ZNF763: variants seen among roughly 807,000 people sequenced by gnomAD.
ZNF763 encodes DNA-binding protein.
A neutral mutation model predicts 38.0 loss-of-function variants in ZNF763; 33 were observed. The ratio of observed to expected loss-of-function variants is 0.87; its 90% CI spans 0.66 to 1.16. The LOEUF (loss-of-function observed/expected upper bound fraction) is 1.16, where lower values mean the gene tolerates loss of function less well. ZNF763 is among the 50% of genes most tolerant of loss of function. ZNF763 has a pLI of 0.00. For synonymous variants in ZNF763, 155 were observed against 160.1 expected (o/e 0.97, Z 0.24); for missense variants, 423 against 469.1 (o/e 0.90, Z 0.91).
chr19:11,968,853 A>T (rs1451627955), intron 1 of ZNF763, among the ~76,000 whole-genome samples: 1 of 152,128 alleles, frequency 6.6e-6, no homozygotes, highest in African/African-American at 2.4e-5. Flanking sequence ...ACCCCATCTC[A>T]ATTGTGAAAA....
At chr19:11,975,816 G>A (rs1053323167) in intron 1 of ZNF763, among the ~76,000 whole-genome samples, 1 of 152,070 alleles carries the variant, frequency 6.6e-6, no homozygotes, top group African/African-American at 2.4e-5. Context: ...CAGGAAGGTT[G>A]TATAGTGGTT....
intron 1 of ZNF763, among the ~76,000 whole-genome samples, chr19:11,976,096 A>C (rs1297446209): frequency 6.8e-6 from 1 of 146,026 alleles, no homozygotes; most frequent in African/African-American, 2.6e-5. Context: ...GGGGTGTGGG[A>C]TGTCCCAGGG....
intron 1 of ZNF763, among the ~76,000 whole-genome samples, chr19:11,971,789 C>A (rs139694002): frequency 6.6e-6 from 1 of 152,072 alleles, no homozygotes; most frequent in Admixed American, 6.6e-5. Context: ...TGTGGCCGGG[C>A]GCGGTGGCTC....
At position 11,980,125 on chromosome 19, in the gene ZNF763, G is replaced by C. The variant is rs1943207864; in HGVS notation, c.*1016G>C. The C allele has an allele frequency of 1.2e-6, 1 of 839,228 alleles. No individual in the cohort carries two copies. Among genetic ancestry groups the C allele is most frequent in the Non-Finnish European group, 1.9e-6 (1 of 532,528 alleles). 52.0% of individuals were successfully genotyped at this position (839,228 alleles called of 1,614,324 possible). A position where few individuals can be genotyped will look rare whatever the true frequency, so the allele number is the denominator to read the frequency against. The stretch of plus-strand genomic sequence containing the variant: ...CCTCACACCTTCGAAAACATGGTAG[G>C]ACTCACACTGGATAGAAACCAAAGC... On this transcript the variant is annotated 3_prime_UTR_variant, in exon 4 of 4. Coordinates refer to ENST00000358987, the MANE Select transcript of ZNF763 (RefSeq NM_001367172.2).
At chr19:11,966,444 G>T (rs543247540) in intron 1 of ZNF763, among the ~76,000 whole-genome samples, 1 of 152,238 alleles carries the variant, frequency 6.6e-6, no homozygotes, top group Non-Finnish European at 1.5e-5. Context: ...CTGGATCTCG[G>T]CTCACAGCAG....
intron 1 of ZNF763, among the ~76,000 whole-genome samples, chr19:11,970,214 C>T (rs914224491): frequency 6.6e-6 from 1 of 152,210 alleles, no homozygotes; most frequent in Non-Finnish European, 1.5e-5. Flanking sequence ...TTCCTGTCCT[C>T]TGGATTGTCT....
At position 11,974,725 on chromosome 19, in the gene ZNF763, C is replaced by T. The variant is rs893529635; in HGVS notation, c.4-2313C>T. 2.0e-5 allele frequency among the ~76,000 whole-genome samples: 3 copies of T among 152,018 alleles called. No individual in the cohort carries two copies. The East Asian group carries it at 5.8e-4, about 30-fold the overall frequency. ...TCAAACAATTCTCCCACCTCAGCCT[C>T]CCAGGTAACTGGGACTACAGGCACA... On this transcript the variant is annotated intron_variant, in intron 1 of 3. Transcript: ENST00000358987.
intron 1 of ZNF763, among the ~76,000 whole-genome samples, chr19:11,974,253 A>G (rs1364079890): frequency 1.4e-5 from 2 of 142,340 alleles, no homozygotes; most frequent in Admixed American, 1.5e-4. Context: ...CTGGAGTGCA[A>G]TGGCATGATC....
At chr19:11,972,693 A>G (rs1320573817) in intron 1 of ZNF763, among the ~76,000 whole-genome samples, 2 of 152,108 alleles carry the variant, frequency 1.3e-5, no homozygotes, top group South Asian at 2.1e-4. Flanking sequence ...TTCTTATTTC[A>G]TTGATTTTAT....
At chr19:11,975,420 C>A (rs948965227) in intron 1 of ZNF763, among the ~76,000 whole-genome samples, 4 of 144,494 alleles carry the variant, frequency 2.8e-5, no homozygotes, top group African/African-American at 1.0e-4. Flanking sequence ...TTTTTTGAGA[C>A]AGAGTCTTGC....
chr19:11,974,131 TTTCTTTCTTTCTTTCTTTCTTTCTTTCC>T, intron 1 of ZNF763, among the ~76,000 whole-genome samples: 1 of 95,366 alleles, frequency 1.0e-5, no homozygotes, highest in African/African-American at 5.2e-5. Flanking sequence ...CTTTCTTTTC[TTTCTTTCTTTCTTTCTTTCTTTCTTTCC>T]TTCCTTCCTT....
At chr19:11,976,068 C>T (rs1029517227) in intron 1 of ZNF763, among the ~76,000 whole-genome samples, 12 of 145,398 alleles carry the variant, frequency 8.3e-5, no homozygotes, top group Admixed American at 5.6e-4. Flanking sequence ...TCTAGCATGC[C>T]GGATTTGGGT....
intron 1 of ZNF763, among the ~76,000 whole-genome samples, chr19:11,966,816 A>C (rs1036292248): frequency 6.6e-6 from 1 of 152,242 alleles, no homozygotes; most frequent in African/African-American, 2.4e-5. Flanking sequence ...CGAAAGGTTC[A>C]GATTTCAGCT....
rs1973561960 is a variant in ZNF763, at chr19:11,979,022, A to G, written c.1098A>G (p.Lys366=). ...ATGAAAGGACCCACTCTGCGAAAAA[A>G]CCTTATGAATGTAAGCAGTGTGGGA... is the stretch of plus-strand genomic sequence containing the variant. ...RRHERTHSAK[K]PYECKQCGKA... Residue 366 remains lysine, a synonymous_variant, in exon 4 of 4, where the codon AAA becomes AAG. Coordinates refer to ENST00000358987, the MANE Select transcript of ZNF763 (RefSeq NM_001367172.2). 5 of 1,613,816 alleles carry G rather than the reference A, an allele frequency of 3.1e-6. No individual in the cohort carries two copies. The highest frequency in any genetic ancestry group is 1.7e-5 in the Admixed American group (1 of 59,982).
Position 11,965,215 on chromosome 19 carries a change from C to T in ZNF763, c.3+4C>T. The T allele has an allele frequency of 1.2e-6, 2 of 1,614,012 alleles. No homozygotes were observed. The highest frequency in any genetic ancestry group is 1.7e-6 in the Non-Finnish European group (2 of 1,179,922). ...GACATCTGAAAGCCAGGAAATGGTG[C>T]GTGTGCATAGCCGGTTGTCCCGAGA... On this transcript the variant is annotated splice_donor_region_variant and intron_variant, in intron 1 of 3. Coordinates refer to ENST00000358987, the MANE Select transcript of ZNF763 (RefSeq NM_001367172.2).
chr19:11,972,109 C>T (rs1158575638), intron 1 of ZNF763, among the ~76,000 whole-genome samples: 3 of 150,466 alleles, frequency 2.0e-5, no homozygotes, highest in Non-Finnish European at 4.4e-5. Flanking sequence ...GCCTGGGTAA[C>T]GTGGCAAACT....
At chr19:11,975,891 T>C (rs947495760) in intron 1 of ZNF763, among the ~76,000 whole-genome samples, 2 of 151,842 alleles carry the variant, frequency 1.3e-5, no homozygotes, top group African/African-American at 4.8e-5. Flanking sequence ...TTGTTTGCCC[T>C]CTTGTGTACT....
chr19:11,977,303 A>T (rs1973515808), intron 2 of ZNF763, 68 bp from the exon 3 acceptor site: 1 of 1,606,338 alleles, frequency 6.2e-7, no homozygotes, highest in Non-Finnish European at 8.5e-7. Flanking sequence ...AATCATAGAC[A>T]TAGAATCTAA....
At chr19:11,977,949 G>T (rs1973531726) in intron 3 of ZNF763, among the ~76,000 whole-genome samples, 167 bp from the exon 4 acceptor site, 1 of 152,142 alleles carries the variant, frequency 6.6e-6, no homozygotes, top group Admixed American at 6.5e-5. Context: ...TAAACAATAG[G>T]TATGACTATG....
Sources: allele counts gnomAD v4.1 joint callset (sites outside exome capture counted in the v4.1 genomes callset), GRCh38; gene constraint gnomAD v4.1.1; transcripts MANE v1.5; gene names NCBI Gene and HGNC (gene_info 2026-07-23, HGNC 2026-07-21).